SMOC2: variants seen among roughly 807,000 people sequenced by gnomAD.
The protein encoded by SMOC2 is SPARC related modular calcium binding 2, also known as SPARC-related modular calcium-binding protein 2.
SMOC2 carries 39 observed loss-of-function variants against 61.4 expected under a neutral mutation model. The observed-to-expected ratio is 0.64, with a 90% confidence interval of 0.49 to 0.83. The LOEUF (loss-of-function observed/expected upper bound fraction) is 0.83, where lower values mean the gene tolerates loss of function less well. Ranked by LOEUF, SMOC2 falls within the 40% of genes least tolerant of loss-of-function variation. The probability of loss-of-function intolerance (pLI) is 0.00; values close to 1 mark genes in which losing one functional copy is unlikely to be tolerated. For synonymous variants in SMOC2, 247 were observed against 239.9 expected (o/e 1.03, Z -0.27); for missense variants, 556 against 592.9 (o/e 0.94, Z 0.65).
chr6:168,556,058 T>C (rs1033140333), intron 7 of SMOC2, among the ~76,000 whole-genome samples: 2 of 152,098 alleles, frequency 1.3e-5, no homozygotes, highest in Non-Finnish European at 2.9e-5. Context: ...CATGCGGGTC[T>C]CAGCCCGAGG....
intron 9 of SMOC2, among the ~76,000 whole-genome samples, chr6:168,621,941 T>G (rs1786257310): frequency 6.6e-6 from 1 of 151,990 alleles, no homozygotes; most frequent in South Asian, 2.1e-4. Flanking sequence ...CATTGTTGTC[T>G]TTGGAATTTC....
intron 7 of SMOC2, among the ~76,000 whole-genome samples, chr6:168,563,066 C>T (rs938658393): frequency 2.0e-5 from 3 of 152,208 alleles, no homozygotes; most frequent in Non-Finnish European, 4.4e-5. Context: ...AAGGGGGCGG[C>T]TTGGGAAGCA....
chr6:168,659,757 GTAGGTTGGGTGAGGTTGTAGATTA>G (rs1787449643), intron 11 of SMOC2, among the ~76,000 whole-genome samples: 2 of 137,106 alleles, frequency 1.5e-5, no homozygotes, highest in African/African-American at 2.7e-5. Context: ...GATGGAGGTT[GTAGGTTGGGTGAGGTTGTAGATTA>G]TAGGCTGAGT....
At chr6:168,622,871 G>A (rs767253096) in intron 9 of SMOC2, among the ~76,000 whole-genome samples, 7 of 152,174 alleles carry the variant, frequency 4.6e-5, no homozygotes, top group East Asian at 3.9e-4. Context: ...CTCGGAGACC[G>A]ACACCATGCC....
Position 168,598,675 on chromosome 6 carries a change from C to T in SMOC2, c.638-143C>T, listed in dbSNP as rs1785390407. 8.0e-6 allele frequency: 7 copies of T among 871,874 alleles called. No individual in the cohort carries two copies. The Admixed American group carries it at 1.1e-4, about 13-fold the overall frequency. The allele number at this position is 871,874 out of a possible 1,614,324, so 54.0% of individuals were successfully genotyped here. On this transcript the variant is annotated intron_variant, in intron 7 of 12. Coordinates refer to ENST00000356284, the MANE Select transcript of SMOC2 (RefSeq NM_001166412.2). ...GTGAGGTTCTGCCTCTCCTGCTGTG[C>T]CCCCCACGCTGGCAGGCCCTCCTGC...
intron 4 of SMOC2, among the ~76,000 whole-genome samples, chr6:168,529,219 C>T (rs1016709083): frequency 2.7e-4 from 41 of 151,870 alleles, no homozygotes; most frequent in African/African-American, 9.9e-4. Context: ...TTTTTTTTAA[C>T]TGCCTACGTG....
rs530366780 is a variant in SMOC2, at chr6:168,621,964, ATCT to A, written c.907+13730_907+13732del. 2.5e-3 allele frequency among the ~76,000 whole-genome samples: 369 copies of A among 148,764 alleles called. 1 individual carries two copies. The highest frequency in any genetic ancestry group is 7.8e-3 in the African/African-American group (323 of 41,310). On this transcript the variant is annotated intron_variant, in intron 9 of 12. Transcript: ENST00000356284. ...TCTTTGGAATTTCTCTAATGGATTA[ATCT>A]TCTTTTTTTTTTTCTTGAGATGGAG... is the stretch of plus-strand genomic sequence containing the variant.
Position 168,521,269 on chromosome 6 carries a change from C to G in SMOC2, c.257-5077C>G, listed in dbSNP as rs1783322445. ...GTTCATGTGATTCTCCTGCCTCAGC[C>G]TCCTGAGTAGCTGGGATTACAGGTG... On this transcript the variant is annotated intron_variant, in intron 2 of 12. Coordinates refer to ENST00000356284, the MANE Select transcript of SMOC2 (RefSeq NM_001166412.2). Among the ~76,000 whole-genome samples, 4 of 152,166 alleles carry G rather than the reference C, an allele frequency of 2.6e-5. No individual in the cohort carries two copies. In the South Asian group the frequency reaches 8.3e-4, roughly 32 times the overall value.
At chr6:168,604,684 G>C (rs1367871855) in intron 8 of SMOC2, among the ~76,000 whole-genome samples, 2 of 152,192 alleles carry the variant, frequency 1.3e-5, no homozygotes, top group Non-Finnish European at 2.9e-5. Flanking sequence ...TCCAGTAACA[G>C]TAAGAAGCTA....
chr6:168,623,200 C>T (rs1786288423), intron 9 of SMOC2, among the ~76,000 whole-genome samples: 1 of 152,124 alleles, frequency 6.6e-6, no homozygotes, highest in Non-Finnish European at 1.5e-5. Context: ...ATTGAGTCAG[C>T]AAACCAAGGT....
At position 168,653,005 on chromosome 6, in the gene SMOC2, G is replaced by T; in HGVS notation, c.1062G>T (p.Trp354Cys). ...SHTLEERVVH[W>C]YFKLLDKNSS... ...CCCTAGAGGAGCGGGTGGTGCACTG[G>T]TACTTCAAACTACTGGATAAAAACT... is the stretch of plus-strand genomic sequence containing the variant. The change falls in exon 11 of 13, where the codon TGG becomes TGT. Residue 354 changes from tryptophan to cysteine, a missense_variant. By Grantham distance (215) the Trp-to-Cys change is radical. Transcript: ENST00000356284. 1 of 1,614,026 alleles carries T rather than the reference G, an allele frequency of 6.2e-7. No homozygotes were observed.
At position 168,650,751 on chromosome 6, in the gene SMOC2, C is replaced by T. The variant is rs771760227; in HGVS notation, c.978C>T (p.His326=). The T allele has an allele frequency of 1.2e-5, 20 of 1,612,716 alleles. No individual in the cohort carries two copies. Among genetic ancestry groups the T allele is most frequent in the Admixed American group, 5.0e-5 (3 of 59,990 alleles). Residue 326 remains histidine, a synonymous_variant, in exon 10 of 13, where the codon CAC becomes CAT. Transcript: ENST00000356284. ...VLDALSTDMV[H]AASDPSSSSG... ...ACGCGCTGTCCACGGACATGGTCCA[C>T]GCCGCCTCCGACCCCTCCTCCTCGT...
At chr6:168,652,306 C>G (rs1787215921) in intron 10 of SMOC2, among the ~76,000 whole-genome samples, 1 of 152,112 alleles carries the variant, frequency 6.6e-6, no homozygotes, top group South Asian at 2.1e-4. Context: ...TGTTCTCATA[C>G]CTGGGAATGT....
chr6:168,605,810 C>T (rs1370527933), intron 8 of SMOC2, among the ~76,000 whole-genome samples: 2 of 152,164 alleles, frequency 1.3e-5, no homozygotes, highest in East Asian at 1.9e-4. Flanking sequence ...TTTTCTAACA[C>T]TACAGAGCAG....
intron 11 of SMOC2, among the ~76,000 whole-genome samples, chr6:168,657,794 A>AG (rs1224486715): frequency 6.6e-6 from 1 of 152,076 alleles, no homozygotes. Flanking sequence ...AGAGAGAGCA[A>AG]GGGGGGCCAA....
At chr6:168,623,979 T>C (rs1786317938) in intron 9 of SMOC2, among the ~76,000 whole-genome samples, 1 of 152,104 alleles carries the variant, frequency 6.6e-6, no homozygotes, top group South Asian at 2.1e-4. Context: ...GGGTGGGGCA[T>C]CGCCGCAGAG....
At position 168,527,730 on chromosome 6, in the gene SMOC2, A is replaced by G; in HGVS notation, c.463+3A>G. On this transcript the variant is annotated splice_donor_region_variant and intron_variant, in intron 4 of 12. Coordinates refer to ENST00000356284, the MANE Select transcript of SMOC2 (RefSeq NM_001166412.2). ...CCACAAGACGCCCCGGTGCCCGGGTAGGTCTGACGTGCCTTTCCAAGTGGA... is the reference window on the plus strand; with the variant it reads ...CCACAAGACGCCCCGGTGCCCGGGTGGGTCTGACGTGCCTTTCCAAGTGGA... 3.9e-6 allele frequency: 6 copies of G among 1,546,396 alleles called. No individual in the cohort carries two copies. Among genetic ancestry groups the G allele is most frequent in the Non-Finnish European group, 4.4e-6 (5 of 1,142,670 alleles).
chr6:168,504,646 C>T (rs1401721158), intron 1 of SMOC2, among the ~76,000 whole-genome samples: 1 of 152,056 alleles, frequency 6.6e-6, no homozygotes, highest in Non-Finnish European at 1.5e-5. Context: ...CAGATATCCC[C>T]CCAGATCAGC....
intron 1 of SMOC2, among the ~76,000 whole-genome samples, chr6:168,444,851 G>A (rs143519069): frequency 1.3e-5 from 2 of 152,242 alleles, no homozygotes; most frequent in African/African-American, 4.8e-5. Flanking sequence ...CCCATACCTA[G>A]GTGATTTCTT....
Sources: allele counts gnomAD v4.1 joint callset (sites outside exome capture counted in the v4.1 genomes callset), GRCh38; gene constraint gnomAD v4.1.1; transcripts MANE v1.5; gene names NCBI Gene and HGNC (gene_info 2026-07-23, HGNC 2026-07-21).